The following CSMD1 variants were observed in gnomAD, a reference collection of about 807,000 sequenced individuals.
The protein encoded by CSMD1 is CUB and Sushi multiple domains 1, also known as CUB and sushi domain-containing protein 1.
In CSMD1, 213 loss-of-function variants were observed where a neutral mutation model predicts 417.5. The ratio of observed to expected loss-of-function variants is 0.51; its 90% CI spans 0.46 to 0.57. The LOEUF (loss-of-function observed/expected upper bound fraction) is 0.57, where lower values mean the gene tolerates loss of function less well. Among genes scored for constraint, CSMD1 ranks in the 20% least tolerant of loss-of-function variants. The pLI is 0.00. For synonymous variants in CSMD1, 2,862 were observed against 1,736.8 expected (o/e 1.65, Z -16.11); for missense variants, 6,923 against 4,529.7 (o/e 1.53, Z -15.17).
chr8:4,032,461 T>C (rs1433472768), intron 3 of CSMD1, among the ~76,000 whole-genome samples: 2 of 152,222 alleles, frequency 1.3e-5, no homozygotes, highest in Admixed American at 6.5e-5. Flanking sequence ...CCAGACACAG[T>C]AGACTATAGA....
At chr8:4,102,329 A>C (rs991709391) in intron 3 of CSMD1, among the ~76,000 whole-genome samples, 1 of 152,194 alleles carries the variant, frequency 6.6e-6, no homozygotes, top group Non-Finnish European at 1.5e-5. Flanking sequence ...TTTTAAACAA[A>C]TATGTAGAAT....
intron 11 of CSMD1, among the ~76,000 whole-genome samples, chr8:3,483,947 T>G (rs1817884043): frequency 6.6e-6 from 1 of 152,198 alleles, no homozygotes; most frequent in African/African-American, 2.4e-5. Context: ...ACACATAGTG[T>G]TCATGAGCTG....
intron 33 of CSMD1, among the ~76,000 whole-genome samples, chr8:3,193,995 A>T (rs982339996): frequency 6.6e-6 from 1 of 152,188 alleles, no homozygotes; most frequent in Non-Finnish European, 1.5e-5. Flanking sequence ...TACCTAAGTG[A>T]AGCAGTTTTC....
At chr8:4,005,333 G>C (rs1456097576) in intron 4 of CSMD1, among the ~76,000 whole-genome samples, 1 of 152,138 alleles carries the variant, frequency 6.6e-6, no homozygotes, top group Non-Finnish European at 1.5e-5. Context: ...GACATTCATT[G>C]TACTTGCAGA....
chr8:3,654,740 G>T (rs1459586832), intron 7 of CSMD1, among the ~76,000 whole-genome samples: 1 of 152,178 alleles, frequency 6.6e-6, no homozygotes, highest in Non-Finnish European at 1.5e-5. Flanking sequence ...GTGATGAAGT[G>T]CTCCAGGGCT....
chr8:3,736,223 G>A (rs1303670490), intron 6 of CSMD1, among the ~76,000 whole-genome samples: 5 of 152,092 alleles, frequency 3.3e-5, no homozygotes, highest in South Asian at 4.1e-4. Flanking sequence ...CAACATTTGT[G>A]TGTGTGTGTA....
At chr8:4,184,123 A>C (rs1403050853) in intron 3 of CSMD1, among the ~76,000 whole-genome samples, 1 of 152,236 alleles carries the variant, frequency 6.6e-6, no homozygotes, top group Non-Finnish European at 1.5e-5. Context: ...ATAATTTCTA[A>C]AACTTCATTA....
At chr8:4,752,470 G>C (rs1811394726) in intron 1 of CSMD1, among the ~76,000 whole-genome samples, 1 of 152,160 alleles carries the variant, frequency 6.6e-6, no homozygotes. Flanking sequence ...GGTGATGAAG[G>C]AGAGATCTTT....
intron 5 of CSMD1, among the ~76,000 whole-genome samples, chr8:3,943,655 C>T (rs918845420): frequency 1.3e-5 from 2 of 152,044 alleles, no homozygotes; most frequent in African/African-American, 4.8e-5. Context: ...ATTAATAGGA[C>T]AAGTCAACAG....
In CSMD1 at chr8:4,295,189, TATGCAC is replaced by T. The variant is rs201258236; in HGVS notation, c.415+124758_415+124763del. Among the ~76,000 whole-genome samples, 162 of 61,538 alleles carry T rather than the reference TATGCAC, an allele frequency of 2.6e-3. 1 individual carries two copies. The East Asian group carries it at 0.067, about 25-fold the overall frequency. 40.4% of individuals were successfully genotyped at this position (61,538 alleles called of 152,430 possible). A position where few individuals can be genotyped will look rare whatever the true frequency, so the allele number is the denominator to read the frequency against. On this transcript the variant is annotated intron_variant, in intron 3 of 69. Coordinates refer to ENST00000635120, the MANE Select transcript of CSMD1 (RefSeq NM_033225.6). ...TCTTAAGATTATATAATCTTAAGAT[TATGCAC>T]ATATAATCTTAAGATTTTCTATATA... is the stretch of plus-strand genomic sequence containing the variant.
At chr8:3,397,122 G>A (rs889974819) in intron 16 of CSMD1, among the ~76,000 whole-genome samples, 3 of 152,078 alleles carry the variant, frequency 2.0e-5, no homozygotes, top group African/African-American at 7.2e-5. Context: ...TACCACTCCA[G>A]GCACGGAGAT....
intron 2 of CSMD1, among the ~76,000 whole-genome samples, chr8:4,440,629 T>C (rs938753630): frequency 1.3e-5 from 2 of 152,202 alleles, no homozygotes; most frequent in African/African-American, 2.4e-5. Context: ...CATGCAATGA[T>C]AGGGAAGAAA....
intron 7 of CSMD1, among the ~76,000 whole-genome samples, chr8:3,654,534 A>G (rs987130156): frequency 7.2e-5 from 11 of 152,192 alleles, no homozygotes; most frequent in Admixed American, 1.3e-4. Flanking sequence ...ACTTACAAAT[A>G]AGAAATTGTC....
At chr8:3,308,968 A>G (rs1180859800) in intron 23 of CSMD1, among the ~76,000 whole-genome samples, 1 of 150,888 alleles carries the variant, frequency 6.6e-6, no homozygotes, top group Non-Finnish European at 1.5e-5. Context: ...CAGGCAATCC[A>G]CCCCCTCAGC....
chr8:4,355,908 T>A (rs978761988), intron 3 of CSMD1, among the ~76,000 whole-genome samples: 1 of 140,444 alleles, frequency 7.1e-6, no homozygotes, highest in Non-Finnish European at 1.6e-5. Flanking sequence ...GTCTCATGAT[T>A]TGAATCAGCT....
intron 3 of CSMD1, among the ~76,000 whole-genome samples, chr8:4,059,129 T>A (rs1488066896): frequency 6.6e-6 from 1 of 152,144 alleles, no homozygotes; most frequent in East Asian, 1.9e-4. Context: ...GAACTCAGGA[T>A]TAAGAAACTC....
intron 11 of CSMD1, among the ~76,000 whole-genome samples, chr8:3,478,452 A>G (rs892845700): frequency 6.6e-6 from 1 of 152,164 alleles, no homozygotes; most frequent in African/African-American, 2.4e-5. Flanking sequence ...CCCTCTGTGT[A>G]AAACACAAAT....
intron 3 of CSMD1, among the ~76,000 whole-genome samples, chr8:4,071,223 C>T (rs951602832): frequency 1.3e-5 from 2 of 151,832 alleles, no homozygotes; most frequent in East Asian, 2.0e-4. Context: ...TTCAGCTAAA[C>T]GTCTGTTAGG....
intron 3 of CSMD1, among the ~76,000 whole-genome samples, chr8:4,254,759 G>A (rs1013942769): frequency 6.6e-6 from 1 of 152,114 alleles, no homozygotes; most frequent in Admixed American, 6.5e-5. Context: ...TTACCATTGT[G>A]TTACAGTTGC....
Sources: allele counts gnomAD v4.1 joint callset (sites outside exome capture counted in the v4.1 genomes callset), GRCh38; gene constraint gnomAD v4.1.1; transcripts MANE v1.5; gene names NCBI Gene and HGNC (gene_info 2026-07-23, HGNC 2026-07-21).